Variants in FER1L6 observed in about 807,000 individuals in gnomAD.
FER1L6 encodes fer-1 like family member 6.
In FER1L6, 177 loss-of-function variants were observed where a neutral mutation model predicts 219.2. The ratio of observed to expected loss-of-function variants is 0.81; its 90% CI spans 0.71 to 0.91. The LOEUF (loss-of-function observed/expected upper bound fraction) is 0.91, where lower values mean the gene tolerates loss of function less well. Ranked by LOEUF, FER1L6 falls within the 40% of genes least tolerant of loss-of-function variation. The probability of loss-of-function intolerance (pLI) is 0.00; values close to 1 mark genes in which losing one functional copy is unlikely to be tolerated. For synonymous variants in FER1L6, 768 were observed against 824.3 expected (o/e 0.93, Z 1.17); for missense variants, 2,153 against 2,259.9 (o/e 0.95, Z 0.96).
At chr8:124,057,354 G>C (rs1269095247) in intron 22 of FER1L6, among the ~76,000 whole-genome samples, 1 of 152,110 alleles carries the variant, frequency 6.6e-6, no homozygotes, top group Non-Finnish European at 1.5e-5. Flanking sequence ...CTTAAAAAGT[G>C]ATCTTTATTT....
At chr8:123,920,060 T>A (rs4596635) in intron 1 of FER1L6, among the ~76,000 whole-genome samples, 3,969 of 152,170 alleles carry the variant, frequency 0.026, 165 homozygotes, top group African/African-American at 0.091. Context: ...AATTGCAAGG[T>A]GGTGACTGCA....
chr8:124,023,727 C>T, intron 18 of FER1L6, 131 bp downstream of exon 18: 1 of 891,576 alleles, frequency 1.1e-6, no homozygotes, highest in Non-Finnish European at 1.6e-6. Flanking sequence ...AACTAGAACA[C>T]CTTGGTGCCT....
At chr8:123,893,318 T>C (rs1239236883) in intron 1 of FER1L6, among the ~76,000 whole-genome samples, 2 of 152,180 alleles carry the variant, frequency 1.3e-5, no homozygotes, top group Non-Finnish European at 2.9e-5. Context: ...GACTGATATG[T>C]TTACAACGAT....
At chr8:124,061,370 C>T (rs996024732) in intron 24 of FER1L6, among the ~76,000 whole-genome samples, 2 of 151,968 alleles carry the variant, frequency 1.3e-5, no homozygotes, top group Non-Finnish European at 2.9e-5. Context: ...GCAAAGCCTA[C>T]AATGGAAGAA....
intron 12 of FER1L6, among the ~76,000 whole-genome samples, chr8:124,001,995 G>C (rs1352250278): frequency 1.3e-5 from 2 of 152,180 alleles, no homozygotes; most frequent in Non-Finnish European, 2.9e-5. Flanking sequence ...ACGGAGCATA[G>C]GGCAGGTCTC....
intron 1 of FER1L6, among the ~76,000 whole-genome samples, chr8:123,953,711 G>T (rs1407181304): frequency 6.6e-6 from 1 of 152,188 alleles, no homozygotes; most frequent in Admixed American, 6.5e-5. Context: ...CCTATTTATG[G>T]ATGGAAGTCA....
intron 1 of FER1L6, among the ~76,000 whole-genome samples, chr8:123,871,918 T>C (rs2163533): frequency 0.5 from 76,528 of 151,988 alleles, 19,730 homozygotes; most frequent in Middle Eastern, 0.58. Flanking sequence ...CTCTGAAACC[T>C]ATATGTATTA....
At chr8:124,054,425 A>G (rs1293933241) in intron 22 of FER1L6, among the ~76,000 whole-genome samples, 3 of 152,192 alleles carry the variant, frequency 2.0e-5, no homozygotes, top group Non-Finnish European at 4.4e-5. Context: ...TGCAACAAAG[A>G]ACTTTTTTTT....
chr8:124,115,408 C>A (rs1472354417), intron 39 of FER1L6, among the ~76,000 whole-genome samples: 1 of 152,020 alleles, frequency 6.6e-6, no homozygotes, highest in Non-Finnish European at 1.5e-5. Context: ...CTTCCCAATG[C>A]CCGATAGATG....
intron 1 of FER1L6, among the ~76,000 whole-genome samples, chr8:123,912,485 G>A (rs1461993934): frequency 2.0e-5 from 3 of 152,046 alleles, no homozygotes; most frequent in Non-Finnish European, 4.4e-5. Flanking sequence ...CCTAACATGG[G>A]ACATATACAC....
intron 33 of FER1L6, among the ~76,000 whole-genome samples, chr8:124,088,251 A>AAGAT (rs1339077203): frequency 2.0e-5 from 3 of 152,078 alleles, no homozygotes; most frequent in African/African-American, 7.2e-5. Context: ...CCCAAACCAC[A>AAGAT]AGATAAAGTC....
chr8:124,051,137 G>A (rs1586640492), intron 22 of FER1L6, among the ~76,000 whole-genome samples: 3 of 152,128 alleles, frequency 2.0e-5, no homozygotes, highest in African/African-American at 7.2e-5. Flanking sequence ...AGAGACAAAA[G>A]AGAGATAACC....
intron 20 of FER1L6, 61 bp downstream of exon 20, chr8:124,040,067 G>A: frequency 1.9e-6 from 3 of 1,606,340 alleles, no homozygotes; most frequent in Non-Finnish European, 2.6e-6. Context: ...ACCCACAGAA[G>A]ATCCCAGGAA....
At chr8:123,914,634 T>C (rs1813131921) in intron 1 of FER1L6, among the ~76,000 whole-genome samples, 1 of 152,164 alleles carries the variant, frequency 6.6e-6, no homozygotes, top group South Asian at 2.1e-4. Context: ...TTTGCTGTGT[T>C]CCTAGCCCAG....
At position 124,060,181 on chromosome 8, in the gene FER1L6, T is replaced by G. The variant is rs375601733; in HGVS notation, c.2876T>G (p.Val959Gly). ...ACTCATACTTGCCTTGTGCGGTAGG[T>G]TCCTCCTTCTGGGCTGCAAGGCCTC... is the stretch of plus-strand genomic sequence containing the variant. ...DLLAVFELLQ[V>G]PPSGLQGLPP... The change falls in exon 23 of 41, where the codon GTT becomes GGT. Residue 959 changes from valine to glycine, a missense_variant and splice_region_variant. Coordinates refer to ENST00000522917, the MANE Select transcript of FER1L6 (RefSeq NM_001039112.2). 2.5e-6 allele frequency: 4 copies of G among 1,613,354 alleles called. No homozygotes were observed. Among genetic ancestry groups the G allele is most frequent in the Non-Finnish European group, 2.5e-6 (3 of 1,179,326 alleles).
Position 124,081,605 on chromosome 8 carries a change from C to CAA in FER1L6, c.4221-664_4221-663dup, listed in dbSNP as rs1243602409. 9.0e-3 allele frequency among the ~76,000 whole-genome samples: 474 copies of CAA among 52,912 alleles called. 9 individuals carry two copies. Among genetic ancestry groups the CAA allele is most frequent in the African/African-American group, 0.025 (401 of 16,030 alleles). 34.7% of individuals were successfully genotyped at this position (52,912 alleles called of 152,430 possible). On this transcript the variant is annotated intron_variant, in intron 32 of 40. Transcript: ENST00000522917. ...GTGCAGGCTCCAGCAATGCAGAGACCAAAAAAAAAAAAAAAAAAAAGGGCA... is the reference window on the plus strand; with the variant it reads ...GTGCAGGCTCCAGCAATGCAGAGACCAAAAAAAAAAAAAAAAAAAAAAGGGCA...
intron 1 of FER1L6, among the ~76,000 whole-genome samples, chr8:123,856,340 A>ATATATATATATATGTATGTGTG (rs1563663693): frequency 7.6e-6 from 1 of 130,978 alleles, no homozygotes; most frequent in African/African-American, 3.0e-5. Context: ...ATATATATAT[A>ATATATATATATATGTATGTGTG]TATATATATT....
At chr8:124,034,109 T>A (rs1384776322) in intron 18 of FER1L6, among the ~76,000 whole-genome samples, 1 of 150,834 alleles carries the variant, frequency 6.6e-6, no homozygotes, top group Non-Finnish European at 1.5e-5. Flanking sequence ...TGGCCTTTCA[T>A]AATAGGATTT....
intron 1 of FER1L6, among the ~76,000 whole-genome samples, chr8:123,947,000 C>T (rs1814524123): frequency 6.6e-6 from 1 of 151,886 alleles, no homozygotes; most frequent in Non-Finnish European, 1.5e-5. Context: ...AATAGCCAAC[C>T]AATAAAAGGT....
Sources: allele counts gnomAD v4.1 joint callset (sites outside exome capture counted in the v4.1 genomes callset), GRCh38; gene constraint gnomAD v4.1.1; transcripts MANE v1.5; gene names NCBI Gene and HGNC (gene_info 2026-07-23, HGNC 2026-07-21).